SPTB: variants seen among roughly 807,000 people sequenced by gnomAD.
The protein encoded by SPTB is spectrin beta chain, erythrocytic.
Under a neutral mutation model 256.2 loss-of-function variants are expected in SPTB, and 45 were observed. The observed-to-expected ratio is 0.18, with a 90% CI of 0.14 to 0.23. The LOEUF (loss-of-function observed/expected upper bound fraction) is 0.23, where lower values mean the gene tolerates loss of function less well. Ranked by LOEUF, SPTB falls within the 10% of genes least tolerant of loss-of-function variation. The pLI is 1.00. For missense variants in SPTB, 2,715 were observed against 3,040.4 expected, an observed-to-expected ratio of 0.89 and a Z score of 2.52; for synonymous variants, 1,231 against 1,243.1, an observed-to-expected ratio of 0.99 and a Z score of 0.21.
chr14:64,836,856 G>C (rs1319395921), intron 1 of SPTB, among the ~76,000 whole-genome samples: 4 of 152,154 alleles, frequency 2.6e-5, no homozygotes, highest in Non-Finnish European at 4.4e-5. Context: ...CCCTCTCAGG[G>C]AACACATCTG....
At chr14:64,750,551 G>A (rs573210674) in intron 33 of SPTB, among the ~76,000 whole-genome samples, 22 of 151,880 alleles carry the variant, frequency 1.4e-4, no homozygotes, top group Non-Finnish European at 2.5e-4. Flanking sequence ...CGAGGCGGGC[G>A]GACCGCCTGA....
chr14:64,779,207 C>T lies in SPTB; in HGVS notation c.4513G>A (p.Asp1505Asn), dbSNP rs1429001823. The part of the protein sequence containing the change: ...EERLPLAQSA[D>N]YGTNLQTVQL... Reference sequence around the variant, plus strand: ...ACAGTTTGCAGATTAGTGCCATAGTCGGCTGACTGGGCCAGAGGCAGCCTC... The same window carrying T: ...ACAGTTTGCAGATTAGTGCCATAGTTGGCTGACTGGGCCAGAGGCAGCCTC... Residue 1505 changes from aspartate to asparagine, a missense_variant, in exon 22 of 36, where the codon GAC becomes AAC. By Grantham distance (23) the Asp-to-Asn change is conservative (BLOSUM62 1). Transcript: ENST00000644917. This position sits in a 1 kb window ranked among gnomAD's most constrained non-coding sequence, Gnocchi z 4.2. The T allele has an allele frequency of 1.5e-5, 25 of 1,613,850 alleles. No homozygotes were observed. The highest frequency in any genetic ancestry group is 2.7e-5 in the African/African-American group (2 of 74,904).
At position 64,852,352 on chromosome 14, in the gene SPTB, G is replaced by C. The variant is rs888066318; in HGVS notation, c.-52+27440C>G. Among the ~76,000 whole-genome samples, 1 of 152,166 alleles carries C rather than the reference G, an allele frequency of 6.6e-6. No individual in the cohort carries two copies. The highest frequency in any genetic ancestry group is 6.5e-5 in the Admixed American group (1 of 15,274). On this transcript the variant is annotated intron_variant, in intron 1 of 35. Transcript: ENST00000644917. The surrounding 1 kb of genome is among the most constrained non-coding windows in gnomAD (Gnocchi z 4.2). ...GGGAAACTGCTACCAGTTCAGAGAG[G>C]GGTGAGAGATAAGGCTGGGGGCCAG... is the stretch of plus-strand genomic sequence containing the variant.
At chr14:64,834,950 C>A (rs1288782384) in intron 1 of SPTB, among the ~76,000 whole-genome samples, 1 of 152,154 alleles carries the variant, frequency 6.6e-6, no homozygotes, top group Non-Finnish European at 1.5e-5. Context: ...GCCTCACAAA[C>A]AAAAAGAGCT....
intron 1 of SPTB, among the ~76,000 whole-genome samples, chr14:64,854,435 C>T (rs111592417): frequency 0.14 from 20,697 of 150,652 alleles, 2,438 homozygotes; most frequent in African/African-American, 0.31. Context: ...CCCGCCACCA[C>T]GCCCCACTAA....
intron 23 of SPTB, 64 bp from the exon 24 acceptor site, chr14:64,774,591 T>A: frequency 6.5e-7 from 1 of 1,549,838 alleles, no homozygotes; most frequent in Non-Finnish European, 8.7e-7. Flanking sequence ...CTTGGCAAGT[T>A]GTGCCCCCAC....
Position 64,772,247 on chromosome 14 carries a change from A to G in SPTB, c.5553+333T>C, listed in dbSNP as rs1594758227. 6.6e-6 allele frequency among the ~76,000 whole-genome samples: 1 copy of G among 152,226 alleles called. No homozygotes were observed. Among genetic ancestry groups the G allele is most frequent in the East Asian group, 1.9e-4 (1 of 5,190 alleles). On this transcript the variant is annotated intron_variant, in intron 26 of 35. Coordinates refer to ENST00000644917, the MANE Select transcript of SPTB (RefSeq NM_001355436.2). This position sits in a 1 kb window ranked among gnomAD's most constrained non-coding sequence, Gnocchi z 5.4. ...GTAGCTGCCTCAGAGGACTGCCATG[A>G]GGGTCCAGCGGCTACATACATTGCT...
In SPTB at chr14:64,785,139, T is replaced by C. The variant is rs1257493655; in HGVS notation, c.3855+398A>G. On this transcript the variant is annotated intron_variant, in intron 18 of 35. Transcript: ENST00000644917. The surrounding 1 kb of genome is among the most constrained non-coding windows in gnomAD (Gnocchi z 4.4). The stretch of plus-strand genomic sequence containing the variant: ...CAGGGCCCAGTACAAAATGGAGTTG[T>C]TCAAAAGCATGAAGAATTTCAAGAT... 6.6e-6 allele frequency among the ~76,000 whole-genome samples: 1 copy of C among 152,170 alleles called. No homozygotes were observed. Among genetic ancestry groups the C allele is most frequent in the Non-Finnish European group, 1.5e-5 (1 of 68,030 alleles).
chr14:64,781,368 A>G (rs1415326497), intron 20 of SPTB, among the ~76,000 whole-genome samples: 3 of 152,234 alleles, frequency 2.0e-5, no homozygotes, highest in African/African-American at 7.2e-5. Flanking sequence ...ACTTAAATTT[A>G]TAAGAGGAAA....
chr14:64,840,111 G>A (rs1163443206), intron 1 of SPTB, among the ~76,000 whole-genome samples: 1 of 152,230 alleles, frequency 6.6e-6, no homozygotes, highest in Non-Finnish European at 1.5e-5. Context: ...TAGAGATCAA[G>A]TTCCTTTCTT....
At chr14:64,868,761 T>C (rs1334633689) in intron 1 of SPTB, among the ~76,000 whole-genome samples, 1 of 152,190 alleles carries the variant, frequency 6.6e-6, no homozygotes, top group South Asian at 2.1e-4. Context: ...GGCTATTGCA[T>C]TTGACAATAA....
chr14:64,879,638 G>T lies in SPTB; in HGVS notation c.-52+154C>A, dbSNP rs184347875. ...GGGCCCCGCACCCCTCCCACCCCAC[G>T]CCCGACAACCGGGGCTGGACTCCCA... On this transcript the variant is annotated intron_variant, in intron 1 of 35. Transcript: ENST00000644917. Among the ~76,000 whole-genome samples the T allele has an allele frequency of 6.9e-3, 997 of 144,174 alleles. 13 individuals are homozygous for T. Among genetic ancestry groups the T allele is most frequent in the African/African-American group, 0.024 (954 of 40,256 alleles). 94.6% of individuals were successfully genotyped at this position (144,174 alleles called of 152,430 possible).
rs535689328 is a variant in SPTB, at chr14:64,805,176, AG to A, written c.149-87del. ...GGCCAAGGGGTTTTACCTTAAGCCCAGGGTACCCCCATGCTTGGCAGAGGAA... is the reference window on the plus strand; with the variant it reads ...GGCCAAGGGGTTTTACCTTAAGCCCAGGTACCCCCATGCTTGGCAGAGGAA... On this transcript the variant is annotated intron_variant, in intron 2 of 35. Transcript: ENST00000644917. 1.5e-3 allele frequency: 2,245 copies of A among 1,485,994 alleles called. 19 individuals are homozygous for A. Among genetic ancestry groups the A allele is most frequent in the Non-Finnish European group, 7.8e-4 (832 of 1,067,882 alleles). The allele number at this position is 1,485,994 out of a possible 1,614,324, so 92.1% of individuals were successfully genotyped here.
chr14:64,767,947 A>T, intron 29 of SPTB, 88 bp from the exon 30 acceptor site: 1 of 1,498,560 alleles, frequency 6.7e-7, no homozygotes. Context: ...GCCAGTGGTC[A>T]GGCAGGTGGC....
chr14:64,805,029 T>A lies in SPTB; in HGVS notation c.210A>T (p.Arg70=). ...AGAGATCGGTGATGCGGCAGGACAC[T>A]CGAGCCAGGTGCGAGTTCACCCATT... ...FTKWVNSHLA[R]VSCRITDLYK... Residue 70 remains arginine (R), a synonymous_variant, in exon 3 of 36, where the codon CGA becomes CGT. Coordinates refer to ENST00000644917, the MANE Select transcript of SPTB (RefSeq NM_001355436.2). The A allele has an allele frequency of 6.2e-7, 1 of 1,613,452 alleles. No individual in the cohort carries two copies. Among genetic ancestry groups the A allele is most frequent in the Non-Finnish European group, 8.5e-7 (1 of 1,179,798 alleles).
At chr14:64,750,231 T>A in intron 33 of SPTB, 77 bp from the exon 34 acceptor site, 1 of 1,430,326 alleles carries the variant, frequency 7.0e-7, no homozygotes, top group Admixed American at 2.3e-5. Context: ...GCTTCACCAT[T>A]AAAAAAAATT....
chr14:64,840,925 T>C (rs1466245521), intron 1 of SPTB, among the ~76,000 whole-genome samples: 1 of 152,202 alleles, frequency 6.6e-6, no homozygotes, highest in East Asian at 1.9e-4. Flanking sequence ...AGGGATGTTA[T>C]ATATGTGTTC....
At chr14:64,791,499 G>A (rs1250107395) in intron 15 of SPTB, among the ~76,000 whole-genome samples, 1 of 143,844 alleles carries the variant, frequency 7.0e-6, no homozygotes, top group Non-Finnish European at 1.5e-5. Flanking sequence ...CCAGGAGGTG[G>A]AAGTTGCAGT....
chr14:64,859,662 T>C (rs1390229818), intron 1 of SPTB, among the ~76,000 whole-genome samples: 1 of 151,432 alleles, frequency 6.6e-6, no homozygotes, highest in Non-Finnish European at 1.5e-5. Flanking sequence ...GTGGATCACT[T>C]GAGCCCAGGG....
Sources: allele counts gnomAD v4.1 joint callset (sites outside exome capture counted in the v4.1 genomes callset), GRCh38; gene constraint gnomAD v4.1.1; non-coding constraint Gnocchi (gnomAD v3.1); transcripts MANE v1.5; gene names NCBI Gene and HGNC (gene_info 2026-07-23, HGNC 2026-07-21).